The following STK24 variants were observed in gnomAD, a reference collection of about 807,000 sequenced individuals.
STK24 encodes serine/threonine-protein kinase 24.
Under a neutral mutation model 55.6 loss-of-function variants are expected in STK24, and 21 were observed. The ratio of observed to expected loss-of-function variants is 0.38; its 90% confidence interval spans 0.27 to 0.54. The LOEUF (loss-of-function observed/expected upper bound fraction) is 0.54. Ranked by LOEUF, STK24 falls within the 20% of genes least tolerant of loss-of-function variation. The pLI, the probability that STK24 is intolerant of heterozygous loss-of-function variation, is 0.79. For missense variants in STK24, 383 were observed against 538.4 expected (o/e 0.71, Z 2.86); for synonymous variants, 200 against 215.2 (o/e 0.93, Z 0.62).
At chr13:98,482,834 G>A (rs930623182) in intron 2 of STK24, among the ~76,000 whole-genome samples, 11 of 152,124 alleles carry the variant, frequency 7.2e-5, no homozygotes, top group Admixed American at 1.3e-4. Context: ...GCCGCCTAGC[G>A]TGGCCTCCGA....
intron 2 of STK24, among the ~76,000 whole-genome samples, chr13:98,505,550 T>C (rs1390347365): frequency 6.6e-6 from 1 of 152,260 alleles, no homozygotes; most frequent in Admixed American, 6.5e-5. Flanking sequence ...GAAGAGTCAT[T>C]AGACCCAATT....
At chr13:98,549,076 T>C (rs1170861385) in intron 1 of STK24, among the ~76,000 whole-genome samples, 1 of 152,154 alleles carries the variant, frequency 6.6e-6, no homozygotes, top group East Asian at 1.9e-4. Flanking sequence ...TGAGACCATG[T>C]AGATAACACA....
At chr13:98,566,301 C>G (rs1691119430) in intron 1 of STK24, among the ~76,000 whole-genome samples, 1 of 152,216 alleles carries the variant, frequency 6.6e-6, no homozygotes, top group African/African-American at 2.4e-5. Flanking sequence ...GCCCTGAACT[C>G]AGCTGTTTCA....
At chr13:98,529,708 G>T (rs757223994) in intron 1 of STK24, among the ~76,000 whole-genome samples, 1 of 152,068 alleles carries the variant, frequency 6.6e-6, no homozygotes, top group Non-Finnish European at 1.5e-5. Flanking sequence ...CAAACAGGGG[G>T]GTCCAGAGGC....
At chr13:98,547,816 G>T (rs1011698654) in intron 1 of STK24, among the ~76,000 whole-genome samples, 3 of 152,208 alleles carry the variant, frequency 2.0e-5, no homozygotes, top group African/African-American at 4.8e-5. Context: ...GAAAATACAT[G>T]ATGTGCAAGC....
intron 1 of STK24, among the ~76,000 whole-genome samples, chr13:98,549,983 C>T (rs1236166085): frequency 1.3e-5 from 2 of 152,184 alleles, no homozygotes; most frequent in African/African-American, 4.8e-5. Flanking sequence ...GGTGGTCTCA[C>T]ATCTCTTCAA....
intron 1 of STK24, among the ~76,000 whole-genome samples, chr13:98,567,252 G>A (rs1897606841): frequency 6.6e-6 from 1 of 152,180 alleles, no homozygotes; most frequent in African/African-American, 2.4e-5. Flanking sequence ...GCTAACACAT[G>A]GCCACTGGGA....
chr13:98,528,156 G>A (rs564621873), intron 1 of STK24, among the ~76,000 whole-genome samples: 68 of 152,280 alleles, frequency 4.5e-4, no homozygotes, highest in African/African-American at 1.6e-3. Context: ...GGACAGACCC[G>A]GGCCCATCAG....
intron 1 of STK24, among the ~76,000 whole-genome samples, chr13:98,545,128 A>C (rs1293770183): frequency 6.6e-6 from 1 of 152,234 alleles, no homozygotes; most frequent in Non-Finnish European, 1.5e-5. Context: ...CATCAATGTA[A>C]AATTAATGAC....
chr13:98,522,231 G>A (rs1485014318), intron 1 of STK24: 3 of 379,446 alleles, frequency 7.9e-6, no homozygotes, highest in Non-Finnish European at 1.1e-5. Flanking sequence ...AGTTCCAGAA[G>A]GATCTTCACG....
intron 1 of STK24, among the ~76,000 whole-genome samples, chr13:98,539,733 G>A (rs1483916676): frequency 2.6e-5 from 4 of 152,158 alleles, no homozygotes; most frequent in Non-Finnish European, 5.9e-5. Context: ...AACGGCTGGA[G>A]GGAGCAAAAT....
chr13:98,542,015 G>A (rs1896901242), intron 1 of STK24, among the ~76,000 whole-genome samples: 1 of 152,192 alleles, frequency 6.6e-6, no homozygotes, highest in African/African-American at 2.4e-5. Context: ...ACACAAGTGA[G>A]TCAAAGCTCG....
chr13:98,492,076 CGTGTGTGTGTGTGTGT>C (rs56956881), intron 2 of STK24, among the ~76,000 whole-genome samples: 358 of 149,638 alleles, frequency 2.4e-3, no homozygotes, highest in African/African-American at 8.1e-3. Flanking sequence ...AGTGCGTGCG[CGTGTGTGTGTGTGTGT>C]GTGTGTGTGT....
rs1468374953 is a variant in STK24, at chr13:98,446,956, C to G, written c.*6217G>C. On this transcript the variant is annotated 3_prime_UTR_variant, in exon 11 of 11. Coordinates refer to ENST00000539966, the MANE Select transcript of STK24 (RefSeq NM_001032296.4). Reference sequence around the variant, plus strand: ...AGCGTTTAGACCTGGGGTCCCACTGCCCGACACCAGCAGGCGATTCTGTTC... The same window carrying G: ...AGCGTTTAGACCTGGGGTCCCACTGGCCGACACCAGCAGGCGATTCTGTTC... 1 of 851,038 alleles carries G rather than the reference C, an allele frequency of 1.2e-6. No homozygotes were observed. Among genetic ancestry groups the G allele is most frequent in the African/African-American group, 1.7e-5 (1 of 59,104 alleles). The allele number at this position is 851,038 out of a possible 1,614,324, so 52.7% of individuals were successfully genotyped here. A position where few individuals can be genotyped will look rare whatever the true frequency, so the allele number is the denominator to read the frequency against.
At chr13:98,523,461 C>T (rs540090176) in intron 1 of STK24, among the ~76,000 whole-genome samples, 1 of 152,324 alleles carries the variant, frequency 6.6e-6, no homozygotes, top group African/African-American at 2.4e-5. Flanking sequence ...CAGTGGCTGC[C>T]GCCCTGGCCC....
At chr13:98,571,890 G>C (rs1321246224) in intron 1 of STK24, among the ~76,000 whole-genome samples, 1 of 152,178 alleles carries the variant, frequency 6.6e-6, no homozygotes, top group Non-Finnish European at 1.5e-5. Context: ...CTGAAGTGCT[G>C]CAATGCCTTC....
intron 5 of STK24, among the ~76,000 whole-genome samples, chr13:98,473,278 A>G (rs1409388705): frequency 7.2e-6 from 1 of 138,108 alleles, no homozygotes; most frequent in Non-Finnish European, 1.6e-5. Context: ...GGAAAGGGGA[A>G]AGGAAGGAGG....
chr13:98,535,383 ATATATATG>A lies in STK24; in HGVS notation c.43-15918_43-15911del, dbSNP rs59679479. On this transcript the variant is annotated intron_variant, in intron 1 of 10. Transcript: ENST00000539966. ...AAACAAAAAAAAAATATATATATAT[ATATATATG>A]TGTGTATACACACACACACACACAC... is the stretch of plus-strand genomic sequence containing the variant. Among the ~76,000 whole-genome samples the A allele has an allele frequency of 1.9e-3, 257 of 133,068 alleles. 4 individuals carry two copies. The highest frequency in any genetic ancestry group is 0.016 in the South Asian group (68 of 4,332). 87.3% of individuals were successfully genotyped at this position (133,068 alleles called of 152,430 possible). A position where few individuals can be genotyped will look rare whatever the true frequency, so the allele number is the denominator to read the frequency against.
chr13:98,465,913 G>T (rs1204744026), intron 6 of STK24, among the ~76,000 whole-genome samples: 1 of 152,216 alleles, frequency 6.6e-6, no homozygotes, highest in African/African-American at 2.4e-5. Context: ...AGGCAGGAAG[G>T]GGAGGGGAAG....
Sources: gnomAD v4.1 joint callset for allele counts (sites outside exome capture counted in the v4.1 genomes callset) on GRCh38, gnomAD v4.1.1 for gene constraint, MANE v1.5 for transcripts, NCBI Gene and HGNC (gene_info 2026-07-23, HGNC 2026-07-21) for gene names.